PTPRD: variants seen among roughly 807,000 people sequenced by gnomAD.
The protein encoded by PTPRD is receptor-type tyrosine-protein phosphatase delta.
PTPRD carries 34 observed loss-of-function variants against 214.5 expected under a neutral mutation model. The observed-to-expected ratio is 0.16, with a 90% CI of 0.12 to 0.21. PTPRD has a LOEUF of 0.21. PTPRD is among the 10% of genes least tolerant of loss of function. The probability of loss-of-function intolerance (pLI) is 1.00; values close to 1 mark genes in which losing one functional copy is unlikely to be tolerated. For synonymous variants in PTPRD, 1,128 were observed against 845.7 expected (o/e 1.33, Z -5.79); for missense variants, 2,545 against 2,398.7 (o/e 1.06, Z -1.27).
chr9:10,181,732 G>C (rs559068220), intron 3 of PTPRD, among the ~76,000 whole-genome samples: 2 of 151,030 alleles, frequency 1.3e-5, no homozygotes, highest in East Asian at 2.0e-4. Flanking sequence ...AAGGTGAACT[G>C]TTAGTAAATG....
chr9:8,458,124 A>G (rs1168554290), intron 33 of PTPRD, among the ~76,000 whole-genome samples: 1 of 152,124 alleles, frequency 6.6e-6, no homozygotes. Context: ...ATTTCCCAAC[A>G]ATTGCATTAG....
chr9:10,316,110 T>C lies in PTPRD; in HGVS notation c.-545+24853A>G, dbSNP rs898333481. On this transcript the variant is annotated intron_variant, in intron 3 of 45. Transcript: ENST00000381196. ...GATGCTAAGGTAATTTATGTGTATG[T>C]GTCTATATATATATATATACATATA... Among the ~76,000 whole-genome samples, 12 of 133,968 alleles carry C rather than the reference T, an allele frequency of 9.0e-5. No homozygotes were observed. The East Asian group carries it at 2.5e-3, about 28-fold the overall frequency. 87.9% of individuals were successfully genotyped at this position (133,968 alleles called of 152,430 possible).
intron 7 of PTPRD, among the ~76,000 whole-genome samples, chr9:9,592,654 A>G (rs1272340417): frequency 6.6e-6 from 1 of 152,030 alleles, no homozygotes; most frequent in Non-Finnish European, 1.5e-5. Flanking sequence ...ATTTCCTGGT[A>G]TCTACAGTGG....
chr9:9,939,970 GATA>G (rs2090945178), intron 4 of PTPRD, among the ~76,000 whole-genome samples: 1 of 152,114 alleles, frequency 6.6e-6, no homozygotes, highest in Non-Finnish European at 1.5e-5. Context: ...TTCTCACTTA[GATA>G]ATAACTTCCT....
intron 12 of PTPRD, among the ~76,000 whole-genome samples, chr9:8,638,751 C>A (rs1417632559): frequency 6.6e-6 from 1 of 152,168 alleles, no homozygotes; most frequent in Non-Finnish European, 1.5e-5. Flanking sequence ...TGCTAGAGAT[C>A]ATAACCTGTA....
At chr9:8,940,427 C>A (rs186090996) in intron 11 of PTPRD, among the ~76,000 whole-genome samples, 2 of 144,296 alleles carry the variant, frequency 1.4e-5, no homozygotes, top group Admixed American at 1.4e-4. Flanking sequence ...GGATTACAGG[C>A]TCCTATCACC....
rs148628591 is a variant in PTPRD at position 10,195,749 on chromosome 9, G to A, written c.-545+145214C>T. 2.5e-3 allele frequency among the ~76,000 whole-genome samples: 375 copies of A among 152,260 alleles called. 5 individuals carry two copies. The highest frequency in any genetic ancestry group is 8.3e-3 in the African/African-American group (345 of 41,534). On this transcript the variant is annotated intron_variant, in intron 3 of 45. Transcript: ENST00000381196. ...AGCAGTAAAGAAGCCATGGGGAAGG[G>A]TGGAGGAGATGAAGCCTGAAATAAT... is the stretch of plus-strand genomic sequence containing the variant.
chr9:10,545,236 G>A (rs371983207), intron 2 of PTPRD, among the ~76,000 whole-genome samples: 3 of 152,158 alleles, frequency 2.0e-5, no homozygotes, highest in African/African-American at 4.8e-5. Flanking sequence ...TTACTCAAAA[G>A]GTACTGATGG....
At chr9:9,305,397 G>A (rs1956815278) in intron 9 of PTPRD, among the ~76,000 whole-genome samples, 1 of 151,990 alleles carries the variant, frequency 6.6e-6, no homozygotes, top group Admixed American at 6.6e-5. Context: ...TTTAGTGTGA[G>A]GCACTGTATA....
chr9:10,367,880 G>T (rs147991231), intron 2 of PTPRD, among the ~76,000 whole-genome samples: 4 of 152,070 alleles, frequency 2.6e-5, no homozygotes, highest in African/African-American at 7.2e-5. Context: ...CTATAAAAAA[G>T]GGTTAAGAAA....
At chr9:8,515,527 T>TA (rs1445969862) in intron 21 of PTPRD, among the ~76,000 whole-genome samples, 1 of 152,148 alleles carries the variant, frequency 6.6e-6, no homozygotes, top group African/African-American at 2.4e-5. Flanking sequence ...GCAATGGAAT[T>TA]AGTTAAGATG....
intron 4 of PTPRD, among the ~76,000 whole-genome samples, chr9:9,989,444 G>A (rs2095837690): frequency 6.6e-6 from 1 of 152,168 alleles, no homozygotes; most frequent in South Asian, 2.1e-4. Context: ...TTGGAGAGAA[G>A]CAGCCTGACT....
At chr9:10,284,936 A>G (rs901697987) in intron 3 of PTPRD, among the ~76,000 whole-genome samples, 2 of 152,212 alleles carry the variant, frequency 1.3e-5, no homozygotes, top group Non-Finnish European at 2.9e-5. Flanking sequence ...AGTCTATAAC[A>G]TAATCTGAAT....
At chr9:10,543,473 T>TACACACACAC (rs1462198412) in intron 2 of PTPRD, among the ~76,000 whole-genome samples, 127 of 54,398 alleles carry the variant, frequency 2.3e-3, no homozygotes, top group African/African-American at 5.9e-3. Flanking sequence ...GTTTAATATA[T>TACACACACAC]ATATATACAC....
intron 4 of PTPRD, among the ~76,000 whole-genome samples, chr9:10,014,933 A>C (rs1232367019): frequency 6.6e-6 from 1 of 151,936 alleles, no homozygotes; most frequent in African/African-American, 2.4e-5. Context: ...CCCCTCATTG[A>C]ATTGTTTGGG....
At chr9:10,161,294 G>A (rs2099125830) in intron 3 of PTPRD, among the ~76,000 whole-genome samples, 1 of 151,718 alleles carries the variant, frequency 6.6e-6, no homozygotes, top group African/African-American at 2.4e-5. Flanking sequence ...CACACTACCT[G>A]ACTTCAAAAT....
intron 11 of PTPRD, among the ~76,000 whole-genome samples, chr9:8,879,364 C>T (rs1271828243): frequency 6.6e-6 from 1 of 152,148 alleles, no homozygotes; most frequent in Non-Finnish European, 1.5e-5. Context: ...GCCCAATAGG[C>T]TTGGCTCTGC....
At chr9:8,944,322 T>A (rs543814947) in intron 11 of PTPRD, among the ~76,000 whole-genome samples, 1 of 152,092 alleles carries the variant, frequency 6.6e-6, no homozygotes, top group African/African-American at 2.4e-5. Context: ...ATTAGTATAC[T>A]CACTAGGGAC....
At chr9:10,208,669 C>A (rs929108705) in intron 3 of PTPRD, among the ~76,000 whole-genome samples, 2 of 152,150 alleles carry the variant, frequency 1.3e-5, no homozygotes, top group Non-Finnish European at 2.9e-5. Flanking sequence ...TTTGTTTTAA[C>A]AAACATGCCC....
Sources: allele counts gnomAD v4.1 joint callset (sites outside exome capture counted in the v4.1 genomes callset), GRCh38; gene constraint gnomAD v4.1.1; transcripts MANE v1.5; gene names NCBI Gene and HGNC (gene_info 2026-07-23, HGNC 2026-07-21).